RBBP8: variants seen among roughly 807,000 people sequenced by gnomAD.
RBBP8 encodes DNA endonuclease RBBP8.
In RBBP8, 88 loss-of-function variants were observed where a neutral mutation model predicts 108.3. The observed-to-expected ratio is 0.81, with a 90% CI of 0.68 to 0.97. RBBP8 has a LOEUF of 0.97. Ranked by LOEUF, RBBP8 falls within the 50% of genes least tolerant of loss-of-function variation. RBBP8 has a pLI of 0.00. For synonymous variants in RBBP8, 332 were observed against 348.2 expected (o/e 0.95, Z 0.52); for missense variants, 1,023 against 1,049.0 (o/e 0.98, Z 0.34).
At chr18:22,950,995 T>G (rs920559086) in intron 4 of RBBP8, among the ~76,000 whole-genome samples, 4 of 152,238 alleles carry the variant, frequency 2.6e-5, no homozygotes, top group African/African-American at 9.6e-5. Context: ...GTGAAATAAT[T>G]TAATATTCTT....
At chr18:22,938,360 G>C (rs1910761750) in intron 2 of RBBP8, among the ~76,000 whole-genome samples, 1 of 151,530 alleles carries the variant, frequency 6.6e-6, no homozygotes, top group Non-Finnish European at 1.5e-5. Context: ...GCTAGTTTTT[G>C]TATTTTTTGT....
chr18:22,952,831 T>G (rs1402657761), intron 4 of RBBP8, among the ~76,000 whole-genome samples: 1 of 152,184 alleles, frequency 6.6e-6, no homozygotes, highest in African/African-American at 2.4e-5. Flanking sequence ...AGAGCTTCCT[T>G]CTCTTATTTC....
At position 22,991,164 on chromosome 18, in the gene RBBP8, A is replaced by G. The variant is rs930789344; in HGVS notation, c.920+115A>G. ...CAACATATAGTTTGTTATTGTGGTT[A>G]TATAAATGTTTACTTTAAAAATTGT... On this transcript the variant is annotated intron_variant, in intron 10 of 18. Coordinates refer to ENST00000327155, the MANE Select transcript of RBBP8 (RefSeq NM_002894.3). 3 of 812,730 alleles carry G rather than the reference A, an allele frequency of 3.7e-6. No individual in the cohort carries two copies. In the African/African-American group the frequency reaches 5.1e-5, roughly 14 times the overall value. 50.3% of individuals were successfully genotyped at this position (812,730 alleles called of 1,614,324 possible). A position where few individuals can be genotyped will look rare whatever the true frequency, so the allele number is the denominator to read the frequency against.
At chr18:23,011,477 G>A (rs539221521) in intron 16 of RBBP8, among the ~76,000 whole-genome samples, 8 of 139,988 alleles carry the variant, frequency 5.7e-5, no homozygotes, top group East Asian at 4.2e-4. Flanking sequence ...TCGCTCTGTC[G>A]CCAGGCTGGA....
At chr18:23,008,283 G>A (rs2046094564) in intron 16 of RBBP8, among the ~76,000 whole-genome samples, 1 of 152,210 alleles carries the variant, frequency 6.6e-6, no homozygotes, top group African/African-American at 2.4e-5. Flanking sequence ...GAGTTACTCA[G>A]TAAAGTTACT....
At chr18:22,956,599 G>A (rs986185449) in intron 4 of RBBP8, among the ~76,000 whole-genome samples, 4 of 152,046 alleles carry the variant, frequency 2.6e-5, no homozygotes, top group African/African-American at 4.8e-5. Context: ...GGCCTTCCAC[G>A]GTATTGGGAT....
chr18:22,918,405 A>G (rs1332741814), intron 3 of RBBP8, among the ~76,000 whole-genome samples: 2 of 152,222 alleles, frequency 1.3e-5, no homozygotes, highest in Admixed American at 6.5e-5. Context: ...AAACCTGTAC[A>G]GTATGCTACT....
At chr18:23,014,251 G>A (rs1223277421) in intron 16 of RBBP8, among the ~76,000 whole-genome samples, 5 of 151,946 alleles carry the variant, frequency 3.3e-5, no homozygotes, top group South Asian at 4.1e-4. Context: ...CCGCTAACAC[G>A]TATCGTTCTG....
At chr18:22,941,106 A>G (rs1911048427) in intron 2 of RBBP8, among the ~76,000 whole-genome samples, 1 of 152,014 alleles carries the variant, frequency 6.6e-6, no homozygotes, top group Non-Finnish European at 1.5e-5. Flanking sequence ...TAGTGTATAG[A>G]AATACAACTG....
In RBBP8 at chr18:23,007,862, G is replaced by C. The variant is rs549358353; in HGVS notation, c.2357+1430G>C. ...AGTTTCGCTCTGGTTGCCCAGGCTG[G>C]AGTGCAATGGCATGATCTTGGCTCA... On this transcript the variant is annotated intron_variant, in intron 16 of 18. Coordinates refer to ENST00000327155, the MANE Select transcript of RBBP8 (RefSeq NM_002894.3). Among the ~76,000 whole-genome samples the C allele has an allele frequency of 2.0e-5, 3 of 151,370 alleles. No homozygotes were observed. The South Asian group carries it at 6.3e-4, about 32-fold the overall frequency.
chr18:22,966,818 C>T (rs1033760869), intron 4 of RBBP8, among the ~76,000 whole-genome samples: 13 of 150,600 alleles, frequency 8.6e-5, no homozygotes, highest in Admixed American at 2.0e-4. Context: ...TCCCTGCCTC[C>T]TGGGTTCAAG....
At chr18:22,963,923 A>T (rs1366313157) in intron 4 of RBBP8, among the ~76,000 whole-genome samples, 2 of 152,014 alleles carry the variant, frequency 1.3e-5, no homozygotes, top group Non-Finnish European at 2.9e-5. Context: ...TGTCATGCTT[A>T]AAAAAAATTA....
At chr18:22,928,338 G>A (rs1031490351), upstream of RBBP8, among the ~76,000 whole-genome samples, 1 of 152,132 alleles carries the variant, frequency 6.6e-6, no homozygotes, top group African/African-American at 2.4e-5. Context: ...ATATATTGAG[G>A]GCATGGGAGA....
chr18:22,992,165 TGTC>T (rs1380492880), intron 10 of RBBP8, among the ~76,000 whole-genome samples: 1 of 152,214 alleles, frequency 6.6e-6, no homozygotes, highest in Non-Finnish European at 1.5e-5. Flanking sequence ...CATGATCAAA[TGTC>T]GTAACAAAAG....
intron 3 of RBBP8, among the ~76,000 whole-genome samples, chr18:22,920,601 A>G (rs1183670446): frequency 6.6e-6 from 1 of 152,226 alleles, no homozygotes; most frequent in Admixed American, 6.5e-5. Context: ...TCCTTCCAAC[A>G]TGAAAATATT....
chr18:23,022,651 T>TAAAATAA (rs370599195), intron 18 of RBBP8, among the ~76,000 whole-genome samples: 28 of 83,892 alleles, frequency 3.3e-4, no homozygotes, highest in African/African-American at 1.2e-3. Flanking sequence ...TAAAATACAA[T>TAAAATAA]ATAAAATAAA....
chr18:22,989,143 A>G (rs1598711707), intron 8 of RBBP8, 78 bp from the exon 9 acceptor site: 1 of 1,020,714 alleles, frequency 9.8e-7, no homozygotes. Context: ...ATCTTTTGTC[A>G]TTTTAATGTG....
At chr18:22,914,840 G>C (rs1181259106) in intron 1 of RBBP8, among the ~76,000 whole-genome samples, 5 of 152,100 alleles carry the variant, frequency 3.3e-5, no homozygotes, top group Admixed American at 6.6e-5. Flanking sequence ...TTAACTATTG[G>C]AGCTCAAAAG....
intron 8 of RBBP8, among the ~76,000 whole-genome samples, chr18:22,987,445 GTC>G (rs888585019): frequency 2.0e-5 from 3 of 152,004 alleles, no homozygotes; most frequent in Non-Finnish European, 2.9e-5. Context: ...TTCTATTTCT[GTC>G]TCTCTATTTA....
Sources: gnomAD v4.1 joint callset for allele counts (sites outside exome capture counted in the v4.1 genomes callset) on GRCh38, gnomAD v4.1.1 for gene constraint, MANE v1.5 for transcripts, NCBI Gene and HGNC (gene_info 2026-07-23, HGNC 2026-07-21) for gene names.